Variants in NPAS3 observed in about 807,000 individuals in gnomAD.
The protein encoded by NPAS3 is neuronal PAS domain protein 3, also known as neuronal PAS domain-containing protein 3.
In NPAS3, 14 loss-of-function variants were observed where a neutral mutation model predicts 73.1. The observed-to-expected ratio is 0.19, with a 90% CI of 0.13 to 0.30. The LOEUF is 0.30. NPAS3 is among the 10% of genes least tolerant of loss of function. The pLI, the probability that NPAS3 is intolerant of heterozygous loss-of-function variation, is 1.00. For missense variants in NPAS3, 1,096 were observed against 1,250.0 expected (o/e 0.88, Z 1.86); for synonymous variants, 620 against 541.5 (o/e 1.14, Z -2.01).
At chr14:33,673,665 T>A (rs983453017) in intron 5 of NPAS3, among the ~76,000 whole-genome samples, 4 of 152,186 alleles carry the variant, frequency 2.6e-5, no homozygotes, top group African/African-American at 9.7e-5. Context: ...CTTGTCTTCT[T>A]CCCAGCTCTC....
At chr14:32,996,669 G>C (rs1595181032) in intron 1 of NPAS3, among the ~76,000 whole-genome samples, 1 of 152,326 alleles carries the variant, frequency 6.6e-6, no homozygotes, top group African/African-American at 2.4e-5. Context: ...GTGGTGTTGA[G>C]CCTGCCAGTC....
chr14:33,731,423 GAAAAAAA>G (rs11322471), intron 6 of NPAS3, among the ~76,000 whole-genome samples: 4 of 121,620 alleles, frequency 3.3e-5, no homozygotes, highest in African/African-American at 1.2e-4. Context: ...TGTCTCATTT[GAAAAAAA>G]AAAAAAAAAA....
intron 5 of NPAS3, among the ~76,000 whole-genome samples, chr14:33,626,901 A>C (rs777513169): frequency 2.2e-4 from 33 of 152,190 alleles, no homozygotes; most frequent in Non-Finnish European, 2.2e-4. Context: ...TGCAGTATTA[A>C]ATATTAGTAT....
intron 4 of NPAS3, among the ~76,000 whole-genome samples, chr14:33,450,727 A>T (rs776684191): frequency 3.3e-5 from 5 of 152,166 alleles, no homozygotes; most frequent in Non-Finnish European, 5.9e-5. Context: ...TGGAGAGAGA[A>T]GTTTTCAATA....
intron 3 of NPAS3, among the ~76,000 whole-genome samples, chr14:33,274,863 G>C (rs1338506357): frequency 6.6e-6 from 1 of 152,130 alleles, no homozygotes; most frequent in African/African-American, 2.4e-5. Context: ...CTTTTTTAAA[G>C]GGCTACATTT....
intron 4 of NPAS3, among the ~76,000 whole-genome samples, chr14:33,539,997 T>C (rs2054437234): frequency 6.6e-6 from 1 of 152,230 alleles, no homozygotes; most frequent in Non-Finnish European, 1.5e-5. Context: ...TCACTCTGCC[T>C]TCACCTCTCT....
At chr14:33,370,256 A>G (rs953247246) in intron 4 of NPAS3, among the ~76,000 whole-genome samples, 1 of 152,212 alleles carries the variant, frequency 6.6e-6, no homozygotes, top group African/African-American at 2.4e-5. Context: ...ATGGGGCCAC[A>G]AAAGAACAAG....
intron 7 of NPAS3, among the ~76,000 whole-genome samples, chr14:33,758,824 A>G (rs768199452): frequency 9.9e-5 from 15 of 152,240 alleles, no homozygotes; most frequent in Non-Finnish European, 2.2e-4. Flanking sequence ...ACTACCATCT[A>G]ATTTCCTTGT....
At chr14:33,123,766 G>GT (rs150349654) in intron 2 of NPAS3, among the ~76,000 whole-genome samples, 2,696 of 151,834 alleles carry the variant, frequency 0.018, 90 homozygotes, top group African/African-American at 0.062. Context: ...CAGCTGTTGA[G>GT]TTTCTTTTTT....
At chr14:33,307,582 G>GT (rs916049323) in intron 3 of NPAS3, among the ~76,000 whole-genome samples, 1 of 40,690 alleles carries the variant, frequency 2.5e-5, no homozygotes, top group East Asian at 3.7e-4. Context: ...ACCTCACCAG[G>GT]TTTTTTTTCA....
chr14:33,086,371 A>T (rs1020063247), intron 2 of NPAS3, among the ~76,000 whole-genome samples: 144 of 152,220 alleles, frequency 9.5e-4, no homozygotes, highest in Non-Finnish European at 1.6e-3. Flanking sequence ...ATAATTAAAA[A>T]CTTTTAAAAG....
At chr14:33,729,698 A>G (rs1288027795) in intron 6 of NPAS3, among the ~76,000 whole-genome samples, 1 of 152,148 alleles carries the variant, frequency 6.6e-6, no homozygotes, top group Non-Finnish European at 1.5e-5. Flanking sequence ...CATCAGAGTG[A>G]ATGACCCAAG....
At chr14:33,449,631 G>GCACACA (rs35853342) in intron 4 of NPAS3, among the ~76,000 whole-genome samples, 3 of 148,644 alleles carry the variant, frequency 2.0e-5, no homozygotes, top group South Asian at 2.1e-4. Flanking sequence ...GCACACACAT[G>GCACACA]CACACACACA....
chr14:33,637,642 G>T (rs75791524), intron 5 of NPAS3, among the ~76,000 whole-genome samples: 5,060 of 152,178 alleles, frequency 0.033, 110 homozygotes, highest in Non-Finnish European at 0.051. Context: ...CTTAGGCAAG[G>T]TTTAATTTAT....
chr14:33,146,423 A>G (rs1259045145), intron 2 of NPAS3, among the ~76,000 whole-genome samples: 2 of 152,298 alleles, frequency 1.3e-5, no homozygotes, highest in Admixed American at 6.5e-5. Flanking sequence ...TGAGATGACA[A>G]TCCCTTAGGC....
intron 4 of NPAS3, among the ~76,000 whole-genome samples, chr14:33,418,230 A>C (rs967934766): frequency 6.6e-6 from 1 of 151,940 alleles, no homozygotes; most frequent in African/African-American, 2.4e-5. Flanking sequence ...ATTTGCCCTG[A>C]ATCTCCCAGG....
intron 2 of NPAS3, among the ~76,000 whole-genome samples, chr14:33,178,070 A>ATTTTTTTTTTTTTTTTTTTT (rs780708461): frequency 8.1e-6 from 1 of 123,868 alleles, no homozygotes; most frequent in Non-Finnish European, 1.7e-5. Context: ...ATTGAAGTGA[A>ATTTTTTTTTTTTTTTTTTTT]TTTTTTTTGT....
intron 4 of NPAS3, among the ~76,000 whole-genome samples, chr14:33,442,311 C>T: frequency 6.6e-6 from 1 of 152,072 alleles, no homozygotes; most frequent in African/African-American, 2.4e-5. Context: ...GTGGTGCCTG[C>T]CTGCAGCCTC....
At chr14:33,218,593 C>T (rs557062619) in intron 3 of NPAS3, among the ~76,000 whole-genome samples, 62 of 152,228 alleles carry the variant, frequency 4.1e-4, no homozygotes, top group Non-Finnish European at 8.2e-4. Context: ...AGCAATAAAA[C>T]GATAGACATT....
Sources: gnomAD v4.1 joint callset for allele counts (sites outside exome capture counted in the v4.1 genomes callset) on GRCh38, gnomAD v4.1.1 for gene constraint, MANE v1.5 for transcripts, NCBI Gene and HGNC (gene_info 2026-07-23, HGNC 2026-07-21) for gene names.